PITPNC1: variants seen among roughly 807,000 people sequenced by gnomAD.
The protein encoded by PITPNC1 is phosphatidylinositol transfer protein cytoplasmic 1, also known as cytoplasmic phosphatidylinositol transfer protein 1.
PITPNC1 carries 18 observed loss-of-function variants against 44.7 expected under a neutral mutation model. The ratio of observed to expected loss-of-function variants is 0.40; its 90% CI spans 0.28 to 0.60. The LOEUF (loss-of-function observed/expected upper bound fraction) is 0.60. Ranked by LOEUF, PITPNC1 falls within the 20% of genes least tolerant of loss-of-function variation. The pLI is 0.39. For missense variants in PITPNC1, 290 were observed against 418.4 expected (o/e 0.69, Z 2.68); for synonymous variants, 141 against 149.6 (o/e 0.94, Z 0.42).
chr17:67,665,528 C>A (rs932253139), intron 6 of PITPNC1, among the ~76,000 whole-genome samples: 1 of 152,192 alleles, frequency 6.6e-6, no homozygotes, highest in Non-Finnish European at 1.5e-5. Context: ...AGTGGCCACA[C>A]TATTTATATT....
chr17:67,650,877 C>G (rs2042202256), intron 6 of PITPNC1, among the ~76,000 whole-genome samples: 1 of 152,162 alleles, frequency 6.6e-6, no homozygotes, highest in African/African-American at 2.4e-5. Flanking sequence ...GGGTACAAAA[C>G]AGAAACATTC....
At chr17:67,378,770 G>A (rs951169503) in intron 1 of PITPNC1, among the ~76,000 whole-genome samples, 1 of 152,216 alleles carries the variant, frequency 6.6e-6, no homozygotes. Context: ...GCCCTTCGAG[G>A]CTCGGGACCC....
intron 8 of PITPNC1, chr17:67,687,233 T>C (rs1193732516): frequency 6.1e-6 from 6 of 979,710 alleles, no homozygotes; most frequent in Admixed American, 1.7e-5. Context: ...CAAATGCACA[T>C]GTAAACTGAT....
At chr17:67,511,125 C>T (rs1410425602) in intron 1 of PITPNC1, among the ~76,000 whole-genome samples, 1 of 152,068 alleles carries the variant, frequency 6.6e-6, no homozygotes, top group African/African-American at 2.4e-5. Flanking sequence ...TACTTTCCTT[C>T]CCCCACATAA....
chr17:67,571,561 T>A (rs1439307938), intron 4 of PITPNC1, among the ~76,000 whole-genome samples: 1 of 152,234 alleles, frequency 6.6e-6, no homozygotes, highest in African/African-American at 2.4e-5. Flanking sequence ...AATCAAGGCA[T>A]CAACCAAGGT....
At chr17:67,603,247 C>G (rs1027388218) in intron 5 of PITPNC1, among the ~76,000 whole-genome samples, 3 of 152,144 alleles carry the variant, frequency 2.0e-5, no homozygotes, top group Non-Finnish European at 4.4e-5. Context: ...CCCCTTTTCT[C>G]ATCAAAAGCA....
At chr17:67,653,229 C>T (rs968275220) in intron 6 of PITPNC1, among the ~76,000 whole-genome samples, 1 of 152,046 alleles carries the variant, frequency 6.6e-6, no homozygotes, top group African/African-American at 2.4e-5. Flanking sequence ...TTGGATGGCA[C>T]CACTGCACTC....
intron 1 of PITPNC1, among the ~76,000 whole-genome samples, chr17:67,477,984 G>T (rs746420572): frequency 2.0e-5 from 3 of 152,164 alleles, no homozygotes; most frequent in Non-Finnish European, 4.4e-5. Context: ...GTCACTGCTG[G>T]CTTCCCCGAG....
At chr17:67,437,608 G>A (rs901833446) in intron 1 of PITPNC1, among the ~76,000 whole-genome samples, 2 of 152,154 alleles carry the variant, frequency 1.3e-5, no homozygotes, top group Admixed American at 6.5e-5. Flanking sequence ...GGTTTCTTAG[G>A]AATATTTGCA....
intron 5 of PITPNC1, chr17:67,613,841 G>C (rs1040313983): frequency 1.6e-5 from 2 of 128,234 alleles, no homozygotes; most frequent in African/African-American, 3.0e-5. Context: ...AAAAAAAGGA[G>C]TGCTGGTTTA....
At chr17:67,517,098 G>A (rs1253966905) in intron 1 of PITPNC1, among the ~76,000 whole-genome samples, 2 of 152,182 alleles carry the variant, frequency 1.3e-5, no homozygotes, top group African/African-American at 2.4e-5. Flanking sequence ...GCTCTTCATT[G>A]TCCTTGAGGC....
At chr17:67,673,966 C>CAAAAAAAA (rs34458518) in intron 7 of PITPNC1, among the ~76,000 whole-genome samples, 29 of 84,866 alleles carry the variant, frequency 3.4e-4, no homozygotes, top group East Asian at 7.2e-4. Flanking sequence ...GACTCCGTCT[C>CAAAAAAAA]AAAAAAAAAA....
intron 1 of PITPNC1, among the ~76,000 whole-genome samples, chr17:67,462,078 G>A (rs1270467571): frequency 6.6e-6 from 1 of 152,018 alleles, no homozygotes; most frequent in East Asian, 1.9e-4. Context: ...TCTAAAGAAA[G>A]CAGTGCTGTT....
chr17:67,397,101 C>G (rs971642009), intron 1 of PITPNC1, among the ~76,000 whole-genome samples: 1 of 152,170 alleles, frequency 6.6e-6, no homozygotes. Flanking sequence ...CTGCCTCAGC[C>G]TCCCAAGTAG....
At chr17:67,651,508 G>A (rs1250344963) in intron 6 of PITPNC1, among the ~76,000 whole-genome samples, 4 of 144,190 alleles carry the variant, frequency 2.8e-5, no homozygotes, top group African/African-American at 8.4e-5. Context: ...ATGAGACTCC[G>A]TCTAAAAAAA....
intron 1 of PITPNC1, among the ~76,000 whole-genome samples, chr17:67,467,055 T>TG (rs2039438364): frequency 2.0e-5 from 1 of 49,164 alleles, no homozygotes; most frequent in South Asian, 1.9e-3. Flanking sequence ...AGTTAGGAGA[T>TG]TTTTTTTTTT....
At chr17:67,565,924 T>A (rs995332228) in intron 4 of PITPNC1, among the ~76,000 whole-genome samples, 1 of 152,190 alleles carries the variant, frequency 6.6e-6, no homozygotes, top group African/African-American at 2.4e-5. Context: ...TCGTTTTCCA[T>A]GTTTTTCGAT....
At chr17:67,561,117 C>T (rs1005042569) in intron 4 of PITPNC1, among the ~76,000 whole-genome samples, 1 of 152,138 alleles carries the variant, frequency 6.6e-6, no homozygotes, top group East Asian at 1.9e-4. Context: ...AAAAATAAAA[C>T]AGTATGACTA....
chr17:67,378,679 C>T (rs948740701), intron 1 of PITPNC1, among the ~76,000 whole-genome samples: 2 of 152,274 alleles, frequency 1.3e-5, no homozygotes, highest in African/African-American at 4.8e-5. Context: ...CGGGAGGAAC[C>T]TCTGAGCCCT....
Sources: allele counts gnomAD v4.1 joint callset (sites outside exome capture counted in the v4.1 genomes callset), GRCh38; gene constraint gnomAD v4.1.1; transcripts MANE v1.5; gene names NCBI Gene and HGNC (gene_info 2026-07-23, HGNC 2026-07-21).